The following LSAMP variants were observed in gnomAD, a reference collection of about 807,000 sequenced individuals.
The protein encoded by LSAMP is limbic system-associated membrane protein.
Under a neutral mutation model 38.6 loss-of-function variants are expected in LSAMP, and 7 were observed. The observed-to-expected ratio is 0.18, with a 90% CI of 0.10 to 0.34. LSAMP has a LOEUF of 0.34. LSAMP is among the 10% of genes least tolerant of loss of function. The pLI is 1.00. For synonymous variants in LSAMP, 154 were observed against 166.8 expected (o/e 0.92, Z 0.59); for missense variants, 313 against 420.0 (o/e 0.75, Z 2.23).
At chr3:116,257,772 A>C (rs2046770356) in intron 1 of LSAMP, among the ~76,000 whole-genome samples, 1 of 152,174 alleles carries the variant, frequency 6.6e-6, no homozygotes, top group Non-Finnish European at 1.5e-5. Context: ...AGAGCTGCTG[A>C]TACATGGTGG....
intron 3 of LSAMP, among the ~76,000 whole-genome samples, chr3:116,012,198 C>T (rs945595366): frequency 1.3e-5 from 2 of 152,234 alleles, no homozygotes; most frequent in Non-Finnish European, 2.9e-5. Flanking sequence ...CTCATTTCAA[C>T]AACTCCATGG....
chr3:115,974,330 C>A (rs114251710), intron 3 of LSAMP, among the ~76,000 whole-genome samples: 2,064 of 151,892 alleles, frequency 0.014, 28 homozygotes, highest in African/African-American at 0.034. Context: ...GGCGACAGAG[C>A]TACACTTCAT....
chr3:116,243,798 T>C (rs2046570051), intron 1 of LSAMP, among the ~76,000 whole-genome samples: 1 of 152,158 alleles, frequency 6.6e-6, no homozygotes, highest in Non-Finnish European at 1.5e-5. Context: ...TAAATGAAAA[T>C]AACATTTGTG....
chr3:116,125,151 G>A (rs777871957), intron 1 of LSAMP, among the ~76,000 whole-genome samples: 2 of 152,040 alleles, frequency 1.3e-5, no homozygotes, highest in Non-Finnish European at 1.5e-5. Flanking sequence ...CTCTTATAGG[G>A]AACAAGACAG....
At chr3:115,921,559 A>G (rs947604221) in intron 3 of LSAMP, among the ~76,000 whole-genome samples, 8 of 152,038 alleles carry the variant, frequency 5.3e-5, no homozygotes, top group Non-Finnish European at 1.2e-4. Flanking sequence ...TTTAACTTCT[A>G]TCAGAATAAA....
chr3:116,405,412 C>G (rs1036812604), intron 1 of LSAMP, among the ~76,000 whole-genome samples: 10 of 152,170 alleles, frequency 6.6e-5, no homozygotes, highest in African/African-American at 2.4e-4. Context: ...GGGAGACAGA[C>G]AGTGTGAGAA....
At chr3:116,404,624 C>T (rs2048878567) in intron 1 of LSAMP, among the ~76,000 whole-genome samples, 1 of 152,036 alleles carries the variant, frequency 6.6e-6, no homozygotes. Flanking sequence ...ATAATGATGA[C>T]AATAAAACTC....
chr3:116,079,778 C>T, intron 2 of LSAMP, among the ~76,000 whole-genome samples: 1 of 151,696 alleles, frequency 6.6e-6, no homozygotes, highest in East Asian at 1.9e-4. Flanking sequence ...AAAAAGTTGC[C>T]TATTTGTAGC....
intron 1 of LSAMP, among the ~76,000 whole-genome samples, chr3:116,093,232 G>A (rs556706429): frequency 1.3e-5 from 2 of 152,284 alleles, no homozygotes; most frequent in East Asian, 1.9e-4. Flanking sequence ...GTCACAACTA[G>A]GGAGGGGGTG....
chr3:116,039,023 C>A (rs1941108810), intron 2 of LSAMP, among the ~76,000 whole-genome samples: 1 of 151,918 alleles, frequency 6.6e-6, no homozygotes, highest in Admixed American at 6.6e-5. Flanking sequence ...TCTTTTTTTC[C>A]CTGCCAGTGT....
intron 3 of LSAMP, among the ~76,000 whole-genome samples, chr3:115,885,296 G>C (rs1048135798): frequency 6.6e-6 from 1 of 151,908 alleles, no homozygotes; most frequent in Non-Finnish European, 1.5e-5. Flanking sequence ...GCTATTTTGT[G>C]TTAAAGAATT....
At chr3:116,017,735 G>A (rs1372051920) in intron 3 of LSAMP, among the ~76,000 whole-genome samples, 1 of 152,132 alleles carries the variant, frequency 6.6e-6, no homozygotes, top group African/African-American at 2.4e-5. Context: ...AAAAAAGAAA[G>A]TAGAGATATT....
At chr3:116,250,896 A>G (rs550195662) in intron 1 of LSAMP, among the ~76,000 whole-genome samples, 10 of 152,076 alleles carry the variant, frequency 6.6e-5, no homozygotes, top group Non-Finnish European at 1.3e-4. Context: ...TGGGGGGAAC[A>G]AAAGAAAGCT....
chr3:116,235,620 A>G (rs1465386899), intron 1 of LSAMP, among the ~76,000 whole-genome samples: 2 of 152,226 alleles, frequency 1.3e-5, no homozygotes, highest in African/African-American at 4.8e-5. Context: ...TGACATTCCA[A>G]TAAATACCAT....
chr3:116,198,964 A>C (rs570111707), intron 1 of LSAMP, among the ~76,000 whole-genome samples: 1 of 151,848 alleles, frequency 6.6e-6, no homozygotes. Context: ...CATGCCTGTC[A>C]TTCTACCTAC....
intron 1 of LSAMP, among the ~76,000 whole-genome samples, chr3:116,099,262 G>T (rs908697617): frequency 6.6e-6 from 1 of 152,134 alleles, no homozygotes; most frequent in African/African-American, 2.4e-5. Context: ...CTTCTCACTT[G>T]CTCTGTCCCT....
At chr3:116,104,451 A>C (rs1032468157) in intron 1 of LSAMP, among the ~76,000 whole-genome samples, 1 of 151,970 alleles carries the variant, frequency 6.6e-6, no homozygotes, top group Non-Finnish European at 1.5e-5. Context: ...CTTGCACCTC[A>C]TGTTCTTCCA....
chr3:116,176,809 C>G (rs533473152), intron 1 of LSAMP, among the ~76,000 whole-genome samples: 55 of 152,248 alleles, frequency 3.6e-4, no homozygotes, highest in Admixed American at 3.3e-3. Context: ...ATCTGGTCTA[C>G]ATAAGTGACT....
At chr3:116,032,367 C>T (rs1162897279) in intron 2 of LSAMP, among the ~76,000 whole-genome samples, 1 of 152,116 alleles carries the variant, frequency 6.6e-6, no homozygotes, top group Non-Finnish European at 1.5e-5. Flanking sequence ...TATGTCTCAC[C>T]CTTACATTGG....
Sources: allele counts gnomAD v4.1 joint callset (sites outside exome capture counted in the v4.1 genomes callset), GRCh38; gene constraint gnomAD v4.1.1; transcripts MANE v1.5; gene names NCBI Gene and HGNC (gene_info 2026-07-23, HGNC 2026-07-21).